The following CACNG2 variants were observed in gnomAD, a reference collection of about 807,000 sequenced individuals.
The protein encoded by CACNG2 is calcium voltage-gated channel auxiliary subunit gamma 2.
CACNG2 carries 3 observed loss-of-function variants against 25.9 expected under a neutral mutation model. That is an observed-to-expected ratio of 0.12 (90% CI 0.05 to 0.30). CACNG2 has a LOEUF of 0.30. Ranked by LOEUF, CACNG2 falls within the 10% of genes least tolerant of loss-of-function variation. CACNG2 has a pLI of 1.00. For missense variants in CACNG2, 341 were observed against 432.5 expected, an observed-to-expected ratio of 0.79 and a Z score of 1.88; for synonymous variants, 167 against 173.3, an observed-to-expected ratio of 0.96 and a Z score of 0.29.
intron 1 of CACNG2, among the ~76,000 whole-genome samples, chr22:36,679,219 T>TTTCTTTCTTTCTTTCTTTCC (rs1937062639): frequency 7.1e-6 from 1 of 140,666 alleles, no homozygotes; most frequent in African/African-American, 2.6e-5. Context: ...TCTTTCTTTC[T>TTTCTTTCTTTCTTTCTTTCC]TTCTTTCTTT....
chr22:36,618,717 G>A (rs1291575324), intron 1 of CACNG2, among the ~76,000 whole-genome samples: 3 of 152,070 alleles, frequency 2.0e-5, no homozygotes, highest in African/African-American at 7.2e-5. Flanking sequence ...TCAGGAGATT[G>A]AGACCATCCT....
rs1935044903 is a variant in CACNG2 at position 36,562,474 on chromosome 22, T to A, written c.*1877A>T. On this transcript the variant is annotated 3_prime_UTR_variant, in exon 4 of 4. Coordinates refer to ENST00000300105, the MANE Select transcript of CACNG2 (RefSeq NM_006078.5). ...CCTTCCCATGCATGCGAGTGGTGTG[T>A]GTGTGTGTGTGGGTATGTGTGCGTG... is the stretch of plus-strand genomic sequence containing the variant. 6.6e-6 allele frequency: 1 copy of A among 152,012 alleles called. No homozygotes were observed. The highest frequency in any genetic ancestry group is 6.6e-5 in the Admixed American group (1 of 15,240). The allele number at this position is 152,012 out of a possible 1,614,324, so 9.4% of individuals were successfully genotyped here.
intron 1 of CACNG2, among the ~76,000 whole-genome samples, chr22:36,666,975 G>A (rs5756283): frequency 6.7e-6 from 1 of 149,088 alleles, no homozygotes; most frequent in Non-Finnish European, 1.5e-5. Flanking sequence ...TGACTCACAC[G>A]CAACATGGGA....
At position 36,606,157 on chromosome 22, in the gene CACNG2, C is replaced by T. The variant is rs1370937410; in HGVS notation, c.212-18609G>A. ...CTAGGTGTTGGTGTTGAGCTAGGTT[C>T]CACAGCAGAGAAGGGATCAATACAG... On this transcript the variant is annotated intron_variant, in intron 1 of 3. Transcript: ENST00000300105. The surrounding 1 kb of genome is among the most constrained non-coding windows in gnomAD (Gnocchi z 5.7). 1.3e-5 allele frequency among the ~76,000 whole-genome samples: 2 copies of T among 152,184 alleles called. No individual in the cohort carries two copies. Among genetic ancestry groups the T allele is most frequent in the Non-Finnish European group, 2.9e-5 (2 of 68,038 alleles).
rs1267406082 is a variant in CACNG2, at chr22:36,702,863, A to T, written c.-287T>A. On this transcript the variant is annotated 5_prime_UTR_variant, in exon 1 of 4. Transcript: ENST00000300105. Reference sequence around the variant, plus strand: ...TTTTTTTTAAAAAGAAAAGGAAAAAAAAAATAAAAAGACACCCCCCACCCC... The same window carrying T: ...TTTTTTTTAAAAAGAAAAGGAAAAATAAAATAAAAAGACACCCCCCACCCC... The T allele has an allele frequency of 3.3e-6, 1 of 300,948 alleles. No individual in the cohort carries two copies. The highest frequency in any genetic ancestry group is 6.9e-5 in the East Asian group (1 of 14,412). The allele number at this position is 300,948 out of a possible 1,614,324, so 18.6% of individuals were successfully genotyped here. A position where few individuals can be genotyped will look rare whatever the true frequency, so the allele number is the denominator to read the frequency against.
intron 1 of CACNG2, among the ~76,000 whole-genome samples, chr22:36,700,529 A>G (rs1271513695): frequency 6.6e-6 from 1 of 152,216 alleles, no homozygotes; most frequent in Non-Finnish European, 1.5e-5. Flanking sequence ...ACTAAAATCC[A>G]AGGAAAGCAA....
intron 1 of CACNG2, among the ~76,000 whole-genome samples, chr22:36,679,333 T>G (rs1188512733): frequency 6.6e-6 from 1 of 152,032 alleles, no homozygotes. Context: ...TAAGAAAACA[T>G]GGGCAGGAGC....
chr22:36,647,102 T>TC (rs1222744400), intron 1 of CACNG2, among the ~76,000 whole-genome samples: 1 of 152,094 alleles, frequency 6.6e-6, no homozygotes, highest in African/African-American at 2.4e-5. Context: ...ATGGATGCTG[T>TC]CCCTTACATA....
At chr22:36,576,546 A>C (rs910426504) in intron 2 of CACNG2, among the ~76,000 whole-genome samples, 1 of 151,086 alleles carries the variant, frequency 6.6e-6, no homozygotes, top group African/African-American at 2.4e-5. Flanking sequence ...TTAAAAAAAA[A>C]AACACTCCAA....
chr22:36,626,721 T>C (rs2145954550), intron 1 of CACNG2, among the ~76,000 whole-genome samples: 1 of 152,320 alleles, frequency 6.6e-6, no homozygotes, highest in South Asian at 2.1e-4. Context: ...CCAGCTCTAA[T>C]GTTAAAAGGT....
At chr22:36,604,662 GA>G (rs1935804829) in intron 1 of CACNG2, among the ~76,000 whole-genome samples, 1 of 152,192 alleles carries the variant, frequency 6.6e-6, no homozygotes, top group African/African-American at 2.4e-5. Context: ...ATGGCACACT[GA>G]AGGCTCAGAT....
intron 1 of CACNG2, among the ~76,000 whole-genome samples, chr22:36,655,586 T>C (rs1242525295): frequency 6.6e-6 from 1 of 152,210 alleles, no homozygotes; most frequent in Non-Finnish European, 1.5e-5. Context: ...TGGCACACAT[T>C]AGGTATTTAG....
chr22:36,567,557 G>C (rs1219176060), intron 2 of CACNG2, among the ~76,000 whole-genome samples: 1 of 151,762 alleles, frequency 6.6e-6, no homozygotes, highest in East Asian at 1.9e-4. Context: ...AGAAACAGAA[G>C]GTGAGGGCCA....
At chr22:36,617,635 A>T (rs1470133635) in intron 1 of CACNG2, among the ~76,000 whole-genome samples, 1 of 147,504 alleles carries the variant, frequency 6.8e-6, no homozygotes, top group Non-Finnish European at 1.5e-5. Flanking sequence ...GGCATCTAGT[A>T]GGCAGTCAAT....
rs973773566 is a variant in CACNG2, at chr22:36,680,432, C to T, written c.211+21934G>A. Among the ~76,000 whole-genome samples, 326 of 150,208 alleles carry T rather than the reference C, an allele frequency of 2.2e-3. 1 individual carries two copies. The highest frequency in any genetic ancestry group is 4.2e-3 in the Non-Finnish European group (283 of 67,428). ...ACCATCATCACCATCATCACCACCA[C>T]CACCATCACCACCATCACCATCACC... On this transcript the variant is annotated intron_variant, in intron 1 of 3. Transcript: ENST00000300105.
intron 1 of CACNG2, among the ~76,000 whole-genome samples, chr22:36,674,707 G>A (rs1936999213): frequency 6.6e-6 from 1 of 152,208 alleles, no homozygotes; most frequent in African/African-American, 2.4e-5. Flanking sequence ...CATTGAAAGA[G>A]CTGGATTGAA....
chr22:36,631,289 C>T (rs906639098), intron 1 of CACNG2, among the ~76,000 whole-genome samples: 2 of 152,080 alleles, frequency 1.3e-5, no homozygotes, highest in Non-Finnish European at 2.9e-5. Context: ...GTGAAGAAGG[C>T]GAGTTCAGTT....
intron 1 of CACNG2, among the ~76,000 whole-genome samples, chr22:36,655,656 CT>C (rs1936690843): frequency 6.7e-6 from 1 of 150,178 alleles, no homozygotes; most frequent in Admixed American, 6.6e-5. Context: ...TTAAGACTTT[CT>C]TTCTTTTCTT....
chr22:36,580,802 A>G (rs1935402411), intron 2 of CACNG2, among the ~76,000 whole-genome samples: 1 of 152,130 alleles, frequency 6.6e-6, no homozygotes, highest in Non-Finnish European at 1.5e-5. Context: ...AAATCACAAT[A>G]GGACAGCTAG....
Sources: allele counts gnomAD v4.1 joint callset (sites outside exome capture counted in the v4.1 genomes callset), GRCh38; gene constraint gnomAD v4.1.1; non-coding constraint Gnocchi (gnomAD v3.1); transcripts MANE v1.5; gene names NCBI Gene and HGNC (gene_info 2026-07-23, HGNC 2026-07-21).